Variants in USP34 observed in about 807,000 individuals in gnomAD.
The protein encoded by USP34 is ubiquitin carboxyl-terminal hydrolase 34.
Under a neutral mutation model 460.3 loss-of-function variants are expected in USP34, and 70 were observed. The observed-to-expected ratio is 0.15, with a 90% confidence interval of 0.13 to 0.19. The LOEUF (loss-of-function observed/expected upper bound fraction) is 0.19, where lower values mean the gene tolerates loss of function less well. Among genes scored for constraint, USP34 ranks in the 10% least tolerant of loss-of-function variants. The pLI is 1.00. For missense variants in USP34, 3,985 were observed against 4,236.2 expected, an observed-to-expected ratio of 0.94 and a Z score of 1.65; for synonymous variants, 1,647 against 1,405.3, an observed-to-expected ratio of 1.17 and a Z score of -3.85.
At chr2:61,353,392 A>T (rs897049049) in intron 10 of USP34, among the ~76,000 whole-genome samples, 2 of 143,922 alleles carry the variant, frequency 1.4e-5, no homozygotes, top group East Asian at 2.0e-4. Context: ...TCCTAGACGA[A>T]TGTTTTTTTT....
intron 15 of USP34, among the ~76,000 whole-genome samples, chr2:61,344,673 G>A (rs1691709228): frequency 6.6e-6 from 1 of 152,178 alleles, no homozygotes; most frequent in Non-Finnish European, 1.5e-5. Flanking sequence ...TCAAAACTAA[G>A]ATTTGCAGTG....
chr2:61,426,070 T>A (rs1007613547), intron 1 of USP34, among the ~76,000 whole-genome samples: 20 of 152,028 alleles, frequency 1.3e-4, no homozygotes, highest in African/African-American at 4.8e-4. Context: ...TGAGGAGCCC[T>A]TGGGCCCTGA....
At chr2:61,266,992 T>C (rs896945893) in intron 41 of USP34, among the ~76,000 whole-genome samples, 2 of 152,192 alleles carry the variant, frequency 1.3e-5, no homozygotes, top group African/African-American at 4.8e-5. Context: ...ATCCAGTCAC[T>C]ATGTGCCCAC....
intron 2 of USP34, among the ~76,000 whole-genome samples, chr2:61,414,453 C>A (rs559521837): frequency 6.6e-6 from 1 of 152,168 alleles, no homozygotes; most frequent in African/African-American, 2.4e-5. Context: ...CATTTCAGGC[C>A]TGGAAGGTCT....
chr2:61,334,589 G>C (rs1691362217), intron 18 of USP34, among the ~76,000 whole-genome samples: 1 of 152,134 alleles, frequency 6.6e-6, no homozygotes, highest in Admixed American at 6.5e-5. Context: ...ACTGCTTCAT[G>C]AAAAAATTTT....
intron 29 of USP34, among the ~76,000 whole-genome samples, chr2:61,300,568 T>C (rs1467999365): frequency 6.7e-6 from 1 of 148,354 alleles, no homozygotes; most frequent in Non-Finnish European, 1.5e-5. Context: ...GAGGCTGACA[T>C]GGGTGGATCA....
intron 67 of USP34, among the ~76,000 whole-genome samples, chr2:61,219,106 G>A (rs1687484343): frequency 6.6e-6 from 1 of 152,126 alleles, no homozygotes; most frequent in Non-Finnish European, 1.5e-5. Context: ...TACTAAGTAT[G>A]GACTCATGAA....
intron 3 of USP34, among the ~76,000 whole-genome samples, chr2:61,398,780 G>A (rs1365934561): frequency 6.6e-6 from 1 of 152,138 alleles, no homozygotes; most frequent in Non-Finnish European, 1.5e-5. Context: ...TGGATTGAAA[G>A]CAATCATACA....
intron 67 of USP34, among the ~76,000 whole-genome samples, chr2:61,217,413 T>C (rs1301504824): frequency 6.6e-6 from 1 of 152,256 alleles, no homozygotes; most frequent in Non-Finnish European, 1.5e-5. Context: ...GAAGCTTTTC[T>C]TTTATACATG....
chr2:61,416,907 G>T, intron 2 of USP34: 1 of 996,884 alleles, frequency 1.0e-6, no homozygotes, highest in East Asian at 2.6e-5. Context: ...CCAGCCACTT[G>T]TCCAGAGGGC....
intron 2 of USP34, among the ~76,000 whole-genome samples, chr2:61,417,690 G>GA (rs1370408150): frequency 1.4e-5 from 2 of 142,968 alleles, no homozygotes; most frequent in Non-Finnish European, 3.1e-5. Flanking sequence ...ATTTAAATAA[G>GA]AAAAAATATA....
chr2:61,257,372 T>G, intron 44 of USP34, 22 bp from the exon 45 acceptor site: 1 of 1,540,456 alleles, frequency 6.5e-7, no homozygotes. Flanking sequence ...AAGGGGAACA[T>G]TCTAAGTGTC....
At chr2:61,424,562 C>T (rs1328496344) in intron 1 of USP34, among the ~76,000 whole-genome samples, 2 of 152,094 alleles carry the variant, frequency 1.3e-5, no homozygotes, top group South Asian at 2.1e-4. Context: ...ATTTCTAACA[C>T]TACTCAACTA....
intron 25 of USP34, among the ~76,000 whole-genome samples, chr2:61,312,594 T>C (rs1179261436): frequency 6.6e-6 from 1 of 152,064 alleles, no homozygotes; most frequent in Non-Finnish European, 1.5e-5. Context: ...ACTTGTCTAA[T>C]TTCCACATGA....
chr2:61,310,839 G>A (rs569124352), intron 27 of USP34, among the ~76,000 whole-genome samples: 1 of 152,052 alleles, frequency 6.6e-6, no homozygotes, highest in Non-Finnish European at 1.5e-5. Context: ...AAGTGGATGA[G>A]TAGTATATGG....
intron 29 of USP34, among the ~76,000 whole-genome samples, chr2:61,298,135 T>C (rs1440585068): frequency 6.6e-6 from 1 of 152,088 alleles, no homozygotes; most frequent in Non-Finnish European, 1.5e-5. Flanking sequence ...AAAGATACTT[T>C]ATTTTTACTT....
chr2:61,436,056 T>C (rs995219838), intron 1 of USP34, among the ~76,000 whole-genome samples: 15 of 151,944 alleles, frequency 9.9e-5, no homozygotes, highest in Admixed American at 9.8e-4. Context: ...ATAGAAGTTA[T>C]AGACTGAACA....
chr2:61,390,573 A>T (rs1218116126), intron 5 of USP34, among the ~76,000 whole-genome samples: 1 of 152,260 alleles, frequency 6.6e-6, no homozygotes, highest in African/African-American at 2.4e-5. Context: ...ATTTGTGCAA[A>T]CTGAGAAATC....
intron 53 of USP34, among the ~76,000 whole-genome samples, chr2:61,240,256 A>G (rs1467498128): frequency 6.6e-6 from 1 of 150,416 alleles, no homozygotes; most frequent in East Asian, 1.9e-4. Context: ...AAGCCTCATA[A>G]CTACAAATGA....
Sources: gnomAD v4.1 joint callset for allele counts (sites outside exome capture counted in the v4.1 genomes callset) on GRCh38, gnomAD v4.1.1 for gene constraint, MANE v1.5 for transcripts, NCBI Gene and HGNC (gene_info 2026-07-23, HGNC 2026-07-21) for gene names.